CD47: variants seen among roughly 807,000 people sequenced by gnomAD.
CD47 encodes leukocyte surface antigen CD47.
A neutral mutation model predicts 44.6 loss-of-function variants in CD47; 11 were observed. The observed-to-expected ratio is 0.25, with a 90% CI of 0.16 to 0.41. CD47 has a LOEUF of 0.41. CD47 is among the 10% of genes least tolerant of loss of function. The pLI, the probability that CD47 is intolerant of heterozygous loss-of-function variation, is 1.00. For missense variants in CD47, 306 were observed against 386.7 expected (o/e 0.79, Z 1.75); for synonymous variants, 140 against 136.3 (o/e 1.03, Z -0.19).
intron 3 of CD47, among the ~76,000 whole-genome samples, chr3:108,069,879 T>C (rs1465861387): frequency 6.6e-6 from 1 of 152,190 alleles, no homozygotes; most frequent in African/African-American, 2.4e-5. Context: ...GCTACACCAG[T>C]CCTTTTCTTG....
At chr3:108,066,602 T>C (rs1158845655) in intron 3 of CD47, among the ~76,000 whole-genome samples, 1 of 152,206 alleles carries the variant, frequency 6.6e-6, no homozygotes, top group African/African-American at 2.4e-5. Context: ...TGTTACCTCC[T>C]TGTTTCCCAG....
Position 108,090,882 on chromosome 3 carries a change from C to G in CD47, c.27G>C (p.Leu9Phe). Reference sequence around the variant, plus strand: ...ACTCACCGCAGCACGCCGAGCCCAGCAACAGCGCCGCTACCAGGGGCCACA... The same window carrying G: ...ACTCACCGCAGCACGCCGAGCCCAGGAACAGCGCCGCTACCAGGGGCCACA... MWPLVAALLLGSACCGSAQ... is the reference protein window; with the variant it reads MWPLVAALFLGSACCGSAQ... The change falls in exon 1 of 11, where the codon TTG becomes TTC. Residue 9 changes from leucine to phenylalanine, a missense_variant. By Grantham distance (22) the Leu-to-Phe change is conservative. Coordinates refer to ENST00000361309, the MANE Select transcript of CD47 (RefSeq NM_001777.4). 1.1e-5 allele frequency: 17 copies of G among 1,492,034 alleles called. No individual in the cohort carries two copies. The highest frequency in any genetic ancestry group is 1.5e-5 in the Non-Finnish European group (17 of 1,126,778). 92.4% of individuals were successfully genotyped at this position (1,492,034 alleles called of 1,614,324 possible). A position where few individuals can be genotyped will look rare whatever the true frequency, so the allele number is the denominator to read the frequency against.
chr3:108,080,203 C>T lies in CD47; in HGVS notation c.188G>A (p.Arg63Lys), dbSNP rs774138616. 1 of 1,612,976 alleles carries T rather than the reference C, an allele frequency of 6.2e-7. No homozygotes were observed. Among genetic ancestry groups the T allele is most frequent in the Non-Finnish European group, 8.5e-7 (1 of 1,179,150 alleles). ...EVYVKWKFKG[R>K]DIYTFDGALN... ...AGCTCCATCAAAGGTGTAAATATCT[C>T]TTCCTTTAAATTTCCACTTTACGTA... The change falls in exon 2 of 11, where the codon AGA (arginine) becomes AAA (lysine). Residue 63 changes from arginine (R) to lysine (K), a missense_variant. Arg to Lys is a conservative substitution (Grantham distance 26, BLOSUM62 2). Coordinates refer to ENST00000361309, the MANE Select transcript of CD47 (RefSeq NM_001777.4).
chr3:108,058,380 T>C lies in CD47; in HGVS notation c.741A>G (p.Ile247Met). 6.4e-7 allele frequency: 1 copy of C among 1,567,984 alleles called. No individual in the cohort carries two copies. Among genetic ancestry groups the C allele is most frequent in the Non-Finnish European group, 8.7e-7 (1 of 1,154,524 alleles). The change falls in exon 6 of 11, where the codon ATA becomes ATG. Residue 247 changes from isoleucine (I) to methionine (M), a missense_variant. By Grantham distance (10) the Ile-to-Met change is conservative. Around this residue, in one of 5 missense-constraint regions of CD47, gnomAD observed 131 missense variants for 135.3 expected, o/e 0.97. Transcript: ENST00000361309. ...FVIAILVIQV[I>M]AYILAVVGLS... is the part of the protein sequence containing the mutation. ...GTCCAACCACAGCGAGGATATAGGC[T>C]ATCACCTGAATAACCAATATGGCAA... is the stretch of plus-strand genomic sequence containing the variant.
rs143681379 is a variant in CD47 at position 108,074,859 on chromosome 3, A to C, written c.401-3677T>G. Among the ~76,000 whole-genome samples, 49 of 152,140 alleles carry C rather than the reference A, an allele frequency of 3.2e-4. No individual in the cohort carries two copies. The East Asian group carries it at 9.3e-3, about 29-fold the overall frequency. On this transcript the variant is annotated intron_variant, in intron 2 of 10. Coordinates refer to ENST00000361309, the MANE Select transcript of CD47 (RefSeq NM_001777.4). The stretch of plus-strand genomic sequence containing the variant: ...TTGTTACAGTGGGAAAAGTTTGAGG[A>C]TCATGGAATTAGATATTTAAGAACC...
chr3:108,074,232 A>T (rs2079262318), intron 2 of CD47, among the ~76,000 whole-genome samples: 1 of 152,240 alleles, frequency 6.6e-6, no homozygotes, highest in Non-Finnish European at 1.5e-5. Context: ...GATGACTCCC[A>T]GATTCTATGT....
At chr3:108,058,795 C>T (rs1026721057) in intron 5 of CD47, among the ~76,000 whole-genome samples, 2 of 152,314 alleles carry the variant, frequency 1.3e-5, no homozygotes, top group East Asian at 3.9e-4. Flanking sequence ...TATGCAAATA[C>T]CTGACTGTAA....
chr3:108,089,647 G>A lies in CD47; in HGVS notation c.46+1216C>T, dbSNP rs567384851. Among the ~76,000 whole-genome samples the A allele has an allele frequency of 7.2e-5, 11 of 152,244 alleles. No homozygotes were observed. The South Asian group carries it at 2.1e-3, about 29-fold the overall frequency. ...ACTAACATCAACCATTTAGATAACG[G>A]AGACCTGGATTCACAGTCCCAACAT... is the stretch of plus-strand genomic sequence containing the variant. On this transcript the variant is annotated intron_variant, in intron 1 of 10. Coordinates refer to ENST00000361309, the MANE Select transcript of CD47 (RefSeq NM_001777.4).
At chr3:108,090,420 C>T (rs985479881) in intron 1 of CD47, among the ~76,000 whole-genome samples, 4 of 152,204 alleles carry the variant, frequency 2.6e-5, no homozygotes, top group Non-Finnish European at 4.4e-5. Flanking sequence ...GCAAGAGGCC[C>T]GGGCCCTCCC....
intron 7 of CD47, chr3:108,052,721 A>C (rs2078849287): frequency 6.6e-6 from 1 of 152,338 alleles, no homozygotes; most frequent in South Asian, 2.1e-4. Context: ...TTGGGAGGCC[A>C]AGGCAAATAG....
At chr3:108,066,309 A>G (rs2079105360) in intron 3 of CD47, among the ~76,000 whole-genome samples, 1 of 152,232 alleles carries the variant, frequency 6.6e-6, no homozygotes, top group Non-Finnish European at 1.5e-5. Flanking sequence ...CAAGTACAGC[A>G]GTCCTCACTT....
Position 108,080,135 on chromosome 3 carries a change from T to C in CD47, c.256A>G (p.Ile86Val). 1 of 1,613,152 alleles carries C rather than the reference T, an allele frequency of 6.2e-7. No homozygotes were observed. Among genetic ancestry groups the C allele is most frequent in the Non-Finnish European group, 8.5e-7 (1 of 1,179,218 alleles). ...CCTTTTAGTAATTGTGAGACTTCAA[T>C]TTTTGCACTACTAAAGTCAGTGGGG... ...TVPTDFSSAKIEVSQLLKGDA... is the reference protein window; with the variant it reads ...TVPTDFSSAKVEVSQLLKGDA... The change falls in exon 2 of 11, where the codon ATT becomes GTT. Residue 86 changes from isoleucine to valine, a missense_variant. Physicochemically the swap from Ile to Val is conservative, Grantham distance 29. Coordinates refer to ENST00000361309, the MANE Select transcript of CD47 (RefSeq NM_001777.4).
At position 108,084,848 on chromosome 3, in the gene CD47, T is replaced by G. The variant is rs140306335; in HGVS notation, c.47-4504A>C. On this transcript the variant is annotated intron_variant, in intron 1 of 10. Transcript: ENST00000361309. ...TCCAATGTCTGTTGAATGAATGAAT[T>G]AGACACTCATCCTCCCCCCTCGAAC... 2.3e-4 allele frequency among the ~76,000 whole-genome samples: 35 copies of G among 152,138 alleles called. No individual in the cohort carries two copies. In the East Asian group the frequency reaches 6.4e-3, roughly 28 times the overall value.
chr3:108,069,739 G>A (rs1341600284), intron 3 of CD47, among the ~76,000 whole-genome samples: 1 of 152,058 alleles, frequency 6.6e-6, no homozygotes. Context: ...CGCACTATGT[G>A]AAATAATTTC....
chr3:108,056,127 C>G (rs142504626), intron 7 of CD47, among the ~76,000 whole-genome samples: 1 of 152,318 alleles, frequency 6.6e-6, no homozygotes, highest in African/African-American at 2.4e-5. Flanking sequence ...CTTCCAGAAC[C>G]AGACACATGG....
intron 10 of CD47, among the ~76,000 whole-genome samples, chr3:108,048,797 TA>T: frequency 6.6e-6 from 1 of 152,178 alleles, no homozygotes; most frequent in East Asian, 1.9e-4. Flanking sequence ...TCACAGACTT[TA>T]AAACAGTAAA....
chr3:108,049,672 A>T, intron 9 of CD47, 21 bp from the exon 10 acceptor site: 1 of 1,592,500 alleles, frequency 6.3e-7, no homozygotes, highest in Non-Finnish European at 8.6e-7. Context: ...TAACAAGCCA[A>T]GCAGGCAGTT....
chr3:108,086,634 T>C (rs1418616476), intron 1 of CD47, among the ~76,000 whole-genome samples: 1 of 152,158 alleles, frequency 6.6e-6, no homozygotes, highest in Non-Finnish European at 1.5e-5. Context: ...TAAGTGGCAG[T>C]GATTCTTTTA....
chr3:108,077,808 G>GTCAC (rs2079337613), intron 2 of CD47, among the ~76,000 whole-genome samples: 1 of 152,086 alleles, frequency 6.6e-6, no homozygotes, highest in African/African-American at 2.4e-5. Context: ...TTCTCAAAAG[G>GTCAC]TCACATCTTG....
Sources: gnomAD v4.1 joint callset for allele counts (sites outside exome capture counted in the v4.1 genomes callset) on GRCh38, gnomAD v4.1.1 for gene constraint, gnomAD v4.1.1 regional missense constraint, MANE v1.5 for transcripts, NCBI Gene and HGNC (gene_info 2026-07-23, HGNC 2026-07-21) for gene names.